Variants in SATB1 observed in about 807,000 individuals in gnomAD.
SATB1 encodes SATB homeobox 1, also known as DNA-binding protein SATB1.
Under a neutral mutation model 86.9 loss-of-function variants are expected in SATB1, and 11 were observed. The observed-to-expected ratio is 0.13, with a 90% CI of 0.08 to 0.21. The LOEUF is 0.21. Ranked by LOEUF, SATB1 falls within the 10% of genes least tolerant of loss-of-function variation. The probability of loss-of-function intolerance (pLI) is 1.00; values close to 1 mark genes in which losing one functional copy is unlikely to be tolerated. For synonymous variants in SATB1, 357 were observed against 357.2 expected, an observed-to-expected ratio of 1.00 and a Z score of 0.01; for missense variants, 551 against 937.6, an observed-to-expected ratio of 0.59 and a Z score of 5.39.
intron 10 of SATB1, chr3:18,350,623 A>G (rs1311419907): frequency 6.6e-6 from 1 of 152,306 alleles, no homozygotes; most frequent in Non-Finnish European, 1.5e-5. Context: ...ATTAAAAACA[A>G]TTTATATTTT....
intron 9 of SATB1, among the ~76,000 whole-genome samples, chr3:18,367,767 C>A (rs1695258134): frequency 6.6e-6 from 1 of 152,162 alleles, no homozygotes; most frequent in Non-Finnish European, 1.5e-5. Context: ...TATTAACAGG[C>A]ATGCCAGGCA....
chr3:18,363,936 A>G (rs1458935432), intron 9 of SATB1, among the ~76,000 whole-genome samples: 1 of 152,206 alleles, frequency 6.6e-6, no homozygotes, highest in East Asian at 1.9e-4. Flanking sequence ...GCATGCGAAT[A>G]TCAGAGAAAA....
rs566219697 is a variant in SATB1 at position 18,347,026 on chromosome 3, C to T, written c.*2144G>A. 1.2e-3 allele frequency: 182 copies of T among 152,244 alleles called. No homozygotes were observed. Among genetic ancestry groups the T allele is most frequent in the African/African-American group, 4.2e-3 (176 of 41,556 alleles). 9.4% of individuals were successfully genotyped at this position (152,244 alleles called of 1,614,324 possible). A position where few individuals can be genotyped will look rare whatever the true frequency, so the allele number is the denominator to read the frequency against. On this transcript the variant is annotated 3_prime_UTR_variant, in exon 11 of 11. Coordinates refer to ENST00000338745, the MANE Select transcript of SATB1 (RefSeq NM_002971.6). ...TTTAAGTTTGCAACAAACCAGCTGCCTTCAGAGGAGCTTAGCTGTGCTTCA... is the reference window on the plus strand; with the variant it reads ...TTTAAGTTTGCAACAAACCAGCTGCTTTCAGAGGAGCTTAGCTGTGCTTCA...
intron 9 of SATB1, among the ~76,000 whole-genome samples, chr3:18,363,393 A>G (rs1695016262): frequency 6.6e-6 from 1 of 152,186 alleles, no homozygotes. Flanking sequence ...GCAAGCATAA[A>G]TATTTCTAGA....
intron 2 of SATB1, among the ~76,000 whole-genome samples, chr3:18,436,220 A>C (rs201800614): frequency 1.3e-5 from 2 of 152,196 alleles, no homozygotes; most frequent in East Asian, 3.8e-4. Context: ...CAATAATTAC[A>C]GTAGTATTTA....
intron 7 of SATB1, among the ~76,000 whole-genome samples, chr3:18,390,546 G>A (rs988536722): frequency 6.6e-6 from 1 of 152,178 alleles, no homozygotes; most frequent in Non-Finnish European, 1.5e-5. Context: ...GATATGGATA[G>A]TGGACTTTTC....
At position 18,380,721 on chromosome 3, in the gene SATB1, A is replaced by AT. The variant is rs77546983; in HGVS notation, c.1420-2397dup. 6.7e-3 allele frequency among the ~76,000 whole-genome samples: 991 copies of AT among 148,550 alleles called. 12 individuals are homozygous for AT. The highest frequency in any genetic ancestry group is 0.037 in the South Asian group (174 of 4,718). The stretch of plus-strand genomic sequence containing the variant: ...TAAGCTATTAGAATTCTAGAATCAC[A>AT]TTTTTTTTTTTCCTAAACACAAGCT... On this transcript the variant is annotated intron_variant, in intron 8 of 10. Transcript: ENST00000338745.
At chr3:18,445,357 G>A (rs1363756050) in intron 1 of SATB1, 22 of 984,882 alleles carry the variant, frequency 2.2e-5, no homozygotes, top group Non-Finnish European at 2.7e-5. Context: ...GCCGGGGTGT[G>A]GGGGGCGGCG....
rs563173089 is a variant in SATB1, at chr3:18,433,466, C to T, written c.-25+3323G>A. ...AGTAATAAGGATGAAAGTATATCTACATATAATAATTTGAAATATCATCTT... is the reference window on the plus strand; with the variant it reads ...AGTAATAAGGATGAAAGTATATCTATATATAATAATTTGAAATATCATCTT... On this transcript the variant is annotated intron_variant, in intron 2 of 3. Transcript: ENST00000414509. 7.9e-5 allele frequency among the ~76,000 whole-genome samples: 12 copies of T among 152,160 alleles called. No individual in the cohort carries two copies. In the East Asian group the frequency reaches 2.3e-3, roughly 29 times the overall value.
intron 9 of SATB1, among the ~76,000 whole-genome samples, chr3:18,354,949 T>C (rs1694557801): frequency 6.6e-6 from 1 of 152,118 alleles, no homozygotes; most frequent in African/African-American, 2.4e-5. Flanking sequence ...TAACATAACA[T>C]TTCCAGTAGT....
intron 2 of SATB1, among the ~76,000 whole-genome samples, chr3:18,419,569 T>TACA: frequency 6.6e-6 from 1 of 152,312 alleles, no homozygotes; most frequent in East Asian, 1.9e-4. Context: ...TTATGGAACT[T>TACA]ACATGTTTGC....
At chr3:18,419,120 G>C (rs1262987417) in intron 2 of SATB1, among the ~76,000 whole-genome samples, 1 of 152,096 alleles carries the variant, frequency 6.6e-6, no homozygotes, top group Non-Finnish European at 1.5e-5. Context: ...GGATTTTATT[G>C]ATCATGTTTA....
At chr3:18,400,145 G>A (rs913752667) in intron 5 of SATB1, among the ~76,000 whole-genome samples, 1 of 152,106 alleles carries the variant, frequency 6.6e-6, no homozygotes, top group African/African-American at 2.4e-5. Flanking sequence ...GTCATGATTG[G>A]TAAAATTTTC....
At chr3:18,427,396 C>A (rs564669404), upstream of SATB1, among the ~76,000 whole-genome samples, 1 of 152,098 alleles carries the variant, frequency 6.6e-6, no homozygotes, top group African/African-American at 2.4e-5. Context: ...GTGGTCCACA[C>A]ACACACAAAT....
chr3:18,418,873 C>CCAAAA (rs551909021), intron 2 of SATB1, among the ~76,000 whole-genome samples: 166 of 152,160 alleles, frequency 1.1e-3, no homozygotes, highest in African/African-American at 3.6e-3. Context: ...TAGAATACAT[C>CCAAAA]CAAAACAAAA....
At chr3:18,397,550 T>A (rs1697026430) in intron 5 of SATB1, among the ~76,000 whole-genome samples, 1 of 152,170 alleles carries the variant, frequency 6.6e-6, no homozygotes, top group Non-Finnish European at 1.5e-5. Context: ...ATTCATTGAA[T>A]CTCCATCAAT....
At chr3:18,423,049 T>C (rs1698472766) in intron 1 of SATB1, among the ~76,000 whole-genome samples, 1 of 152,204 alleles carries the variant, frequency 6.6e-6, no homozygotes, top group South Asian at 2.1e-4. Context: ...CCCAATTTAC[T>C]CATTTTAACT....
chr3:18,365,389 C>A (rs141922638), intron 9 of SATB1, among the ~76,000 whole-genome samples: 1 of 149,966 alleles, frequency 6.7e-6, no homozygotes, highest in African/African-American at 2.4e-5. Flanking sequence ...TAAGGTAGGA[C>A]AGATACAGGA....
upstream of SATB1, among the ~76,000 whole-genome samples, chr3:18,425,990 G>A (rs1375932523): frequency 6.6e-6 from 1 of 152,170 alleles, no homozygotes; most frequent in Non-Finnish European, 1.5e-5. Flanking sequence ...TGGGGGGACA[G>A]GGAGACGCAC....
Sources: gnomAD v4.1 joint callset for allele counts (sites outside exome capture counted in the v4.1 genomes callset) on GRCh38, gnomAD v4.1.1 for gene constraint, MANE v1.5 for transcripts, NCBI Gene and HGNC (gene_info 2026-07-23, HGNC 2026-07-21) for gene names.